Variants in GRIA4 observed in about 807,000 individuals in gnomAD.
GRIA4 encodes the protein glutamate ionotropic receptor AMPA type subunit 4, also known as glutamate receptor 4.
GRIA4 carries 34 observed loss-of-function variants against 104.0 expected under a neutral mutation model. The observed-to-expected ratio is 0.33, with a 90% CI of 0.25 to 0.44. The LOEUF is 0.44. Among genes scored for constraint, GRIA4 ranks in the 20% least tolerant of loss-of-function variants. The pLI is 1.00. For synonymous variants in GRIA4, 386 were observed against 381.9 expected (o/e 1.01, Z -0.13); for missense variants, 750 against 1,096.5 (o/e 0.68, Z 4.46).
chr11:105,939,435 T>C (rs1473229495), intron 14 of GRIA4, among the ~76,000 whole-genome samples: 2 of 152,198 alleles, frequency 1.3e-5, no homozygotes, highest in African/African-American at 4.8e-5. Flanking sequence ...GCAGTTTACT[T>C]AGAAGTAACC....
intron 14 of GRIA4, among the ~76,000 whole-genome samples, chr11:105,939,209 G>A (rs374195459): frequency 5.9e-5 from 9 of 152,178 alleles, no homozygotes; most frequent in Admixed American, 2.0e-4. Flanking sequence ...TTTTTAAGTC[G>A]TTCATTCTTG....
chr11:105,685,067 G>A (rs1022265345), intron 3 of GRIA4, among the ~76,000 whole-genome samples: 1 of 148,852 alleles, frequency 6.7e-6, no homozygotes, highest in African/African-American at 2.5e-5. Flanking sequence ...TGGTATTCAT[G>A]ATTACGTAGC....
intron 11 of GRIA4, among the ~76,000 whole-genome samples, chr11:105,923,932 T>C (rs1246838539): frequency 6.6e-6 from 1 of 152,150 alleles, no homozygotes; most frequent in East Asian, 1.9e-4. Flanking sequence ...AAAAGACTGT[T>C]TGAAATTTGC....
intron 9 of GRIA4, 29 bp from the exon 10 acceptor site, chr11:105,910,406 T>C (rs1299180947): frequency 2.8e-6 from 3 of 1,059,206 alleles, no homozygotes; most frequent in South Asian, 1.3e-5. Context: ...TTCTAAAATA[T>C]GTTTTCAAGC....
chr11:105,843,083 C>T (rs953161556), intron 4 of GRIA4, among the ~76,000 whole-genome samples: 4 of 152,292 alleles, frequency 2.6e-5, no homozygotes, highest in South Asian at 4.1e-4. Context: ...TCCTCAGAGC[C>T]GTGAAAGCAG....
At chr11:105,720,889 G>C (rs1937761673) in intron 3 of GRIA4, among the ~76,000 whole-genome samples, 1 of 152,124 alleles carries the variant, frequency 6.6e-6, no homozygotes, top group South Asian at 2.1e-4. Flanking sequence ...TTAATATTTT[G>C]AGATTATTTG....
At chr11:105,833,516 C>A (rs1352779352) in intron 4 of GRIA4, among the ~76,000 whole-genome samples, 1 of 151,770 alleles carries the variant, frequency 6.6e-6, no homozygotes, top group African/African-American at 2.4e-5. Flanking sequence ...AAAAATAATG[C>A]TATTTTTATA....
intron 3 of GRIA4, among the ~76,000 whole-genome samples, chr11:105,623,053 G>GTATATATATATATA (rs58596312): frequency 1.3e-4 from 17 of 127,682 alleles, no homozygotes; most frequent in South Asian, 2.4e-4. Context: ...GTATTCCATT[G>GTATATATATATATA]TATATATATA....
At chr11:105,809,829 G>A (rs937963768) in intron 4 of GRIA4, among the ~76,000 whole-genome samples, 3 of 151,836 alleles carry the variant, frequency 2.0e-5, no homozygotes, top group African/African-American at 4.8e-5. Context: ...GCTACCAAAC[G>A]CTAGATCTTA....
intron 13 of GRIA4, among the ~76,000 whole-genome samples, chr11:105,932,485 CT>C (rs1219659804): frequency 5.9e-5 from 9 of 152,038 alleles, no homozygotes; most frequent in Non-Finnish European, 1.2e-4. Flanking sequence ...ATAAATATAT[CT>C]TTTGGAGACA....
chr11:105,719,582 T>C (rs566672026), intron 3 of GRIA4, among the ~76,000 whole-genome samples: 1 of 152,254 alleles, frequency 6.6e-6, no homozygotes, highest in East Asian at 1.9e-4. Context: ...AAAGCAGAGC[T>C]TGGTTTTTAA....
intron 5 of GRIA4, among the ~76,000 whole-genome samples, chr11:105,866,234 C>T (rs1049925876): frequency 2.0e-5 from 3 of 152,026 alleles, no homozygotes; most frequent in African/African-American, 7.2e-5. Flanking sequence ...CTTGAAAATC[C>T]TTGCTGTCTC....
At chr11:105,729,000 G>C (rs535889049) in intron 3 of GRIA4, among the ~76,000 whole-genome samples, 1 of 152,150 alleles carries the variant, frequency 6.6e-6, no homozygotes, top group Admixed American at 6.5e-5. Flanking sequence ...AAATAACTAA[G>C]ATCAGAGCTG....
intron 4 of GRIA4, among the ~76,000 whole-genome samples, chr11:105,847,308 T>G (rs544920630): frequency 1.3e-5 from 2 of 152,300 alleles, no homozygotes; most frequent in East Asian, 3.9e-4. Flanking sequence ...GCTCAGGCAG[T>G]AATGCTCCCT....
chr11:105,888,271 CTTT>C (rs71469040), intron 6 of GRIA4, among the ~76,000 whole-genome samples: 4 of 54,556 alleles, frequency 7.3e-5, no homozygotes, highest in African/African-American at 1.6e-4. Context: ...ATGTTTTCTC[CTTT>C]TTTTTTTTTT....
chr11:105,880,966 G>T (rs530912815), intron 5 of GRIA4, among the ~76,000 whole-genome samples: 1 of 152,282 alleles, frequency 6.6e-6, no homozygotes, highest in African/African-American at 2.4e-5. Context: ...TGTCATAGTT[G>T]ATTTCCCCCA....
intron 4 of GRIA4, among the ~76,000 whole-genome samples, chr11:105,811,029 T>C (rs1193589400): frequency 6.6e-6 from 1 of 152,210 alleles, no homozygotes; most frequent in South Asian, 2.1e-4. Context: ...CAAATTTATA[T>C]GCAAGATGAG....
intron 3 of GRIA4, among the ~76,000 whole-genome samples, chr11:105,699,488 T>C (rs1307422451): frequency 5.9e-5 from 9 of 152,188 alleles, no homozygotes; most frequent in Admixed American, 4.6e-4. Flanking sequence ...CAGTTCTTAA[T>C]TAGTATTTTC....
intron 14 of GRIA4, among the ~76,000 whole-genome samples, chr11:105,943,332 G>A (rs759085301): frequency 2.0e-5 from 3 of 151,882 alleles, no homozygotes; most frequent in African/African-American, 4.8e-5. Flanking sequence ...TGTTTGGCAC[G>A]GTACAAATCT....
Sources: allele counts gnomAD v4.1 joint callset (sites outside exome capture counted in the v4.1 genomes callset), GRCh38; gene constraint gnomAD v4.1.1; transcripts MANE v1.5; gene names NCBI Gene and HGNC (gene_info 2026-07-23, HGNC 2026-07-21).